Variants in HERPUD2 observed in about 807,000 individuals in gnomAD.
The protein encoded by HERPUD2 is homocysteine-responsive endoplasmic reticulum-resident ubiquitin-like domain member 2 protein.
HERPUD2 carries 13 observed loss-of-function variants against 49.9 expected under a neutral mutation model. That is an observed-to-expected ratio of 0.26 (90% CI 0.17 to 0.41). The LOEUF (loss-of-function observed/expected upper bound fraction) is 0.41. Among genes scored for constraint, HERPUD2 ranks in the 10% least tolerant of loss-of-function variants. HERPUD2 has a pLI of 1.00. For synonymous variants in HERPUD2, 172 were observed against 171.4 expected (o/e 1.00, Z -0.03); for missense variants, 449 against 492.2 (o/e 0.91, Z 0.83).
chr7:35,644,573 G>C (rs575859393), intron 5 of HERPUD2, among the ~76,000 whole-genome samples: 219 of 152,242 alleles, frequency 1.4e-3, no homozygotes, highest in African/African-American at 5.2e-3. Context: ...TTGGAGACCA[G>C]CCTGGCCAAC....
intron 2 of HERPUD2, among the ~76,000 whole-genome samples, chr7:35,688,753 T>C (rs1030471287): frequency 2.0e-5 from 3 of 152,168 alleles, no homozygotes; most frequent in Non-Finnish European, 4.4e-5. Context: ...ATAACTGAGA[T>C]GGCTGAGTCC....
chr7:35,674,398 TATATATAGAGAGAGAGAGAGAGAGAG>T (rs1420721503), intron 2 of HERPUD2, among the ~76,000 whole-genome samples: 4 of 61,372 alleles, frequency 6.5e-5, no homozygotes, highest in South Asian at 1.3e-3. Flanking sequence ...TATATATATA[TATATATAGAGAGAGAGAGAGAGAGAG>T]AGAGAGAGAG....
At chr7:35,678,098 G>A (rs1228728361) in intron 2 of HERPUD2, among the ~76,000 whole-genome samples, 2 of 152,174 alleles carry the variant, frequency 1.3e-5, no homozygotes, top group African/African-American at 4.8e-5. Flanking sequence ...GTTTCATGAG[G>A]CTCTAATGAG....
At chr7:35,647,906 A>G (rs570115893) in intron 5 of HERPUD2, among the ~76,000 whole-genome samples, 1 of 152,352 alleles carries the variant, frequency 6.6e-6, no homozygotes, top group South Asian at 2.1e-4. Flanking sequence ...CTAATGCTCA[A>G]TAAGTATTAG....
chr7:35,681,671 T>G (rs1020513217), intron 2 of HERPUD2, among the ~76,000 whole-genome samples: 1 of 152,174 alleles, frequency 6.6e-6, no homozygotes, highest in Non-Finnish European at 1.5e-5. Context: ...AATGAAATAC[T>G]GACACATGCT....
chr7:35,686,010 C>A (rs1786034579), intron 2 of HERPUD2, among the ~76,000 whole-genome samples: 1 of 151,474 alleles, frequency 6.6e-6, no homozygotes, highest in South Asian at 2.1e-4. Flanking sequence ...TCAGGAAAAT[C>A]ATGTGTTAGA....
intron 5 of HERPUD2, among the ~76,000 whole-genome samples, chr7:35,650,587 C>A (rs1218101528): frequency 6.6e-6 from 1 of 152,180 alleles, no homozygotes; most frequent in African/African-American, 2.4e-5. Context: ...TGGAGCTTCA[C>A]TGAGATCCCC....
At chr7:35,658,988 G>A (rs1583551717) in intron 5 of HERPUD2, among the ~76,000 whole-genome samples, 1 of 152,214 alleles carries the variant, frequency 6.6e-6, no homozygotes, top group African/African-American at 2.4e-5. Context: ...ACCTCAGGGA[G>A]TAGGGACCAG....
At chr7:35,682,250 CGTGTGT>C (rs139063446) in intron 2 of HERPUD2, among the ~76,000 whole-genome samples, 26 of 67,524 alleles carry the variant, frequency 3.9e-4, no homozygotes, top group African/African-American at 1.8e-3. Context: ...CACATACACA[CGTGTGT>C]GTGTGTATAT....
chr7:35,651,656 A>G (rs1050710787), intron 5 of HERPUD2, among the ~76,000 whole-genome samples: 21 of 152,316 alleles, frequency 1.4e-4, no homozygotes, highest in African/African-American at 4.8e-4. Context: ...TATCAACATA[A>G]GGATAGAAGA....
intron 5 of HERPUD2, among the ~76,000 whole-genome samples, chr7:35,640,691 C>A (rs1784955103): frequency 6.6e-6 from 1 of 151,868 alleles, no homozygotes; most frequent in Non-Finnish European, 1.5e-5. Context: ...TCTCCAGAAA[C>A]AAGGAATAAA....
At chr7:35,678,216 C>T (rs10251549) in intron 2 of HERPUD2, among the ~76,000 whole-genome samples, 138 of 150,490 alleles carry the variant, frequency 9.2e-4, no homozygotes, top group African/African-American at 3.3e-3. Flanking sequence ...GTTAAAGTTG[C>T]AATGACTGTC....
intron 5 of HERPUD2, among the ~76,000 whole-genome samples, chr7:35,638,765 T>TG (rs1242714810): frequency 6.6e-6 from 1 of 152,150 alleles, no homozygotes; most frequent in Non-Finnish European, 1.5e-5. Context: ...TCCCATTTCA[T>TG]TACATGAAGC....
chr7:35,680,011 T>C (rs1311538255), intron 2 of HERPUD2, among the ~76,000 whole-genome samples: 1 of 152,200 alleles, frequency 6.6e-6, no homozygotes, highest in Non-Finnish European at 1.5e-5. Flanking sequence ...ACACTGCCAT[T>C]ACCCTAATCT....
chr7:35,694,688 G>T (rs1294080669), intron 1 of HERPUD2, 61 bp from the exon 2 acceptor site: 2 of 248,334 alleles, frequency 8.1e-6, no homozygotes, highest in Non-Finnish European at 1.6e-5. Context: ...TCACTGCCCC[G>T]CCCCACCGCG....
At chr7:35,644,605 T>C (rs1333397672) in intron 5 of HERPUD2, among the ~76,000 whole-genome samples, 1 of 151,934 alleles carries the variant, frequency 6.6e-6, no homozygotes, top group Admixed American at 6.6e-5. Flanking sequence ...CCATCTCTAC[T>C]AAAAATACAA....
rs151188867 is a variant in HERPUD2 at position 35,650,139 on chromosome 7, C to T, written c.495-11667G>A. Among the ~76,000 whole-genome samples, 102 of 152,006 alleles carry T rather than the reference C, an allele frequency of 6.7e-4. 1 individual carries two copies. Among genetic ancestry groups the T allele is most frequent in the Non-Finnish European group, 2.9e-5 (2 of 67,950 alleles). On this transcript the variant is annotated intron_variant, in intron 5 of 8. Transcript: ENST00000311350. ...AGGCATCTGATACTCACCTCCTCCA[C>T]AAAAAAAGAACAAAAATACTAAGTA...
At chr7:35,657,662 C>A (rs1785306905) in intron 5 of HERPUD2, among the ~76,000 whole-genome samples, 1 of 145,962 alleles carries the variant, frequency 6.9e-6, no homozygotes, top group African/African-American at 2.6e-5. Context: ...GTAATCCCAG[C>A]ACTTTGGGAG....
chr7:35,644,530 G>A (rs1785017438), intron 5 of HERPUD2, among the ~76,000 whole-genome samples: 1 of 152,226 alleles, frequency 6.6e-6, no homozygotes, highest in Non-Finnish European at 1.5e-5. Flanking sequence ...AACTCTGGGA[G>A]CCTGAGGCAG....
Sources: gnomAD v4.1 joint callset for allele counts (sites outside exome capture counted in the v4.1 genomes callset) on GRCh38, gnomAD v4.1.1 for gene constraint, MANE v1.5 for transcripts, NCBI Gene and HGNC (gene_info 2026-07-23, HGNC 2026-07-21) for gene names.